The following TLL1 variants were observed in gnomAD, a reference collection of about 807,000 sequenced individuals.
The protein encoded by TLL1 is tolloid-like protein 1.
Under a neutral mutation model 128.2 loss-of-function variants are expected in TLL1, and 49 were observed. The ratio of observed to expected loss-of-function variants is 0.38; its 90% CI spans 0.30 to 0.48. TLL1 has a LOEUF of 0.48. TLL1 is among the 20% of genes least tolerant of loss of function. The pLI is 0.96. For synonymous variants in TLL1, 454 were observed against 418.8 expected (o/e 1.08, Z -1.03); for missense variants, 1,123 against 1,242.0 (o/e 0.90, Z 1.44).
intron 1 of TLL1, among the ~76,000 whole-genome samples, chr4:165,890,034 G>T (rs143682365): frequency 1.3e-5 from 2 of 152,036 alleles, no homozygotes; most frequent in Admixed American, 6.5e-5. Context: ...CAGTCATGGC[G>T]GAAGGGGAAG....
At chr4:166,086,279 A>G (rs1741510332) in intron 18 of TLL1, among the ~76,000 whole-genome samples, 1 of 152,134 alleles carries the variant, frequency 6.6e-6, no homozygotes, top group Non-Finnish European at 1.5e-5. Flanking sequence ...CTTAGGCATT[A>G]TAATGCAGTT....
intron 15 of TLL1, among the ~76,000 whole-genome samples, chr4:166,062,606 T>G (rs1320252739): frequency 2.0e-5 from 3 of 152,176 alleles, no homozygotes; most frequent in South Asian, 4.1e-4. Flanking sequence ...TTTCAGCTTA[T>G]GGAGATTTTG....
At chr4:165,940,084 T>C (rs1320535160) in intron 1 of TLL1, among the ~76,000 whole-genome samples, 1 of 152,072 alleles carries the variant, frequency 6.6e-6, no homozygotes, top group Non-Finnish European at 1.5e-5. Flanking sequence ...TTTTCATCAG[T>C]GATCACTTTT....
chr4:165,946,404 T>C (rs368607092), intron 1 of TLL1, among the ~76,000 whole-genome samples: 3 of 151,880 alleles, frequency 2.0e-5, no homozygotes, highest in African/African-American at 7.2e-5. Flanking sequence ...GGCATGATCA[T>C]AGCTCACTGC....
At chr4:166,093,429 T>C (rs1022285552) in intron 19 of TLL1, among the ~76,000 whole-genome samples, 2 of 152,186 alleles carry the variant, frequency 1.3e-5, no homozygotes, top group African/African-American at 2.4e-5. Flanking sequence ...AACATCTCAG[T>C]GGAGTAAAGA....
intron 5 of TLL1, among the ~76,000 whole-genome samples, chr4:165,998,946 G>C (rs914373616): frequency 1.3e-5 from 2 of 152,126 alleles, no homozygotes; most frequent in African/African-American, 2.4e-5. Flanking sequence ...GTACGGGTGT[G>C]CTAGCCAGGA....
intron 7 of TLL1, 124 bp from the exon 8 acceptor site, chr4:166,014,312 A>C (rs1737835556): frequency 7.0e-7 from 1 of 1,430,356 alleles, no homozygotes; most frequent in South Asian, 1.2e-5. Flanking sequence ...TACACTGCTT[A>C]AAGCACACAA....
chr4:165,985,994 A>G (rs1736376104), intron 1 of TLL1, among the ~76,000 whole-genome samples: 2 of 151,298 alleles, frequency 1.3e-5, no homozygotes, highest in Non-Finnish European at 2.9e-5. Context: ...TTTTCCTAGT[A>G]TCGTCCCAAT....
At chr4:166,019,642 T>C (rs1164308620) in intron 8 of TLL1, among the ~76,000 whole-genome samples, 1 of 152,100 alleles carries the variant, frequency 6.6e-6, no homozygotes, top group Non-Finnish European at 1.5e-5. Context: ...TGGTCTGTGA[T>C]AAGTGGGGCC....
chr4:165,935,852 C>T (rs1579509165), intron 1 of TLL1, among the ~76,000 whole-genome samples: 1 of 152,176 alleles, frequency 6.6e-6, no homozygotes, highest in East Asian at 1.9e-4. Flanking sequence ...GTATAATTTA[C>T]CTTAATCTAG....
intron 20 of TLL1, 152 bp downstream of exon 20, chr4:166,099,679 A>G (rs899026167): frequency 2.0e-6 from 2 of 1,015,278 alleles, no homozygotes; most frequent in African/African-American, 3.3e-5. Flanking sequence ...ACAAAATATA[A>G]CACGTCTCTA....
At chr4:166,080,631 A>G (rs1205656955) in intron 18 of TLL1, among the ~76,000 whole-genome samples, 1 of 152,128 alleles carries the variant, frequency 6.6e-6, no homozygotes, top group Non-Finnish European at 1.5e-5. Context: ...ATGCAATAAT[A>G]GAGACTTTAT....
chr4:165,991,882 G>C (rs1211983974), intron 2 of TLL1, among the ~76,000 whole-genome samples: 1 of 151,924 alleles, frequency 6.6e-6, no homozygotes, highest in South Asian at 2.1e-4. Context: ...ATTAGTGGCT[G>C]TATTGGTTGT....
At chr4:165,981,861 C>T (rs1736162106) in intron 1 of TLL1, among the ~76,000 whole-genome samples, 1 of 152,020 alleles carries the variant, frequency 6.6e-6, no homozygotes. Flanking sequence ...TGTGCCATTG[C>T]AGGCACCATC....
At chr4:166,083,910 T>C (rs1241271195) in intron 18 of TLL1, among the ~76,000 whole-genome samples, 1 of 152,150 alleles carries the variant, frequency 6.6e-6, no homozygotes, top group Non-Finnish European at 1.5e-5. Flanking sequence ...TACCCAGTAG[T>C]GAAATTGCTG....
intron 1 of TLL1, among the ~76,000 whole-genome samples, chr4:165,961,560 C>T (rs995461037): frequency 1.3e-5 from 2 of 152,164 alleles, no homozygotes; most frequent in African/African-American, 4.8e-5. Flanking sequence ...CATTACCTGA[C>T]TTTGAACTAT....
intron 12 of TLL1, among the ~76,000 whole-genome samples, chr4:166,053,599 T>C (rs180693919): frequency 3.2e-4 from 48 of 152,284 alleles, no homozygotes; most frequent in African/African-American, 1.1e-3. Flanking sequence ...GTCTTTATAC[T>C]ACCTCATTTG....
intron 19 of TLL1, among the ~76,000 whole-genome samples, chr4:166,098,972 T>C (rs916138839): frequency 6.6e-6 from 1 of 152,084 alleles, no homozygotes; most frequent in Non-Finnish European, 1.5e-5. Flanking sequence ...CTCACTAAAA[T>C]TGGTACCATT....
intron 7 of TLL1, among the ~76,000 whole-genome samples, chr4:166,013,807 T>C (rs1737811015): frequency 1.3e-5 from 2 of 151,860 alleles, no homozygotes; most frequent in African/African-American, 4.8e-5. Flanking sequence ...AACATTATTA[T>C]GCCATTGATT....
Sources: gnomAD v4.1 joint callset for allele counts (sites outside exome capture counted in the v4.1 genomes callset) on GRCh38, gnomAD v4.1.1 for gene constraint, MANE v1.5 for transcripts, NCBI Gene and HGNC (gene_info 2026-07-23, HGNC 2026-07-21) for gene names.